Variants in CDK14 observed in about 807,000 individuals in gnomAD.
The protein encoded by CDK14 is cyclin-dependent kinase 14.
In CDK14, 34 loss-of-function variants were observed where a neutral mutation model predicts 60.7. That is an observed-to-expected ratio of 0.56 (90% CI 0.43 to 0.75). The LOEUF (loss-of-function observed/expected upper bound fraction) is 0.75, where lower values mean the gene tolerates loss of function less well. CDK14 is among the 30% of genes least tolerant of loss of function. The pLI is 0.00. For missense variants in CDK14, 482 were observed against 564.1 expected (o/e 0.85, Z 1.47); for synonymous variants, 197 against 203.7 (o/e 0.97, Z 0.28).
chr7:90,887,678 A>ATT (rs994398423), intron 6 of CDK14, among the ~76,000 whole-genome samples: 2 of 152,172 alleles, frequency 1.3e-5, no homozygotes, highest in African/African-American at 4.8e-5. Flanking sequence ...GTTCCTCTGT[A>ATT]TTTTGCATTG....
At chr7:91,010,151 T>C (rs1167855294) in intron 10 of CDK14, among the ~76,000 whole-genome samples, 1 of 152,000 alleles carries the variant, frequency 6.6e-6, no homozygotes, top group Non-Finnish European at 1.5e-5. Context: ...TGCCACACTG[T>C]CTTGATTACC....
intron 2 of CDK14, among the ~76,000 whole-genome samples, chr7:90,611,832 T>TGTG (rs1296026481): frequency 1.8e-5 from 2 of 114,170 alleles, no homozygotes; most frequent in Non-Finnish European, 1.8e-5. Flanking sequence ...TCTTTGTGTG[T>TGTG]TTTTTTTTTT....
rs180929741 is a variant in CDK14, at chr7:90,794,950, T to A, written c.544+4298T>A. ...ATGTCCATGAAATCTTCACAATTTA[T>A]GTTCTTCTGCCATGGCTTCAGCCGG... On this transcript the variant is annotated intron_variant, in intron 5 of 14. Coordinates refer to ENST00000380050, the MANE Select transcript of CDK14 (RefSeq NM_001287135.2). Among the ~76,000 whole-genome samples the A allele has an allele frequency of 3.5e-3, 532 of 152,340 alleles. 4 individuals carry two copies. Among genetic ancestry groups the A allele is most frequent in the African/African-American group, 0.012 (506 of 41,582 alleles).
intron 2 of CDK14, among the ~76,000 whole-genome samples, chr7:90,708,323 A>G (rs1475150242): frequency 6.6e-6 from 1 of 152,100 alleles, no homozygotes; most frequent in African/African-American, 2.4e-5. Flanking sequence ...GTTCTGGAAA[A>G]GGTGTCTTTG....
intron 5 of CDK14, among the ~76,000 whole-genome samples, chr7:90,829,991 A>AT (rs1789862990): frequency 6.6e-6 from 1 of 152,050 alleles, no homozygotes; most frequent in Non-Finnish European, 1.5e-5. Flanking sequence ...GCTGGTGTTG[A>AT]ATGTCTGTGG....
At chr7:90,807,538 A>C (rs958341908) in intron 5 of CDK14, among the ~76,000 whole-genome samples, 1 of 152,208 alleles carries the variant, frequency 6.6e-6, no homozygotes, top group Non-Finnish European at 1.5e-5. Flanking sequence ...GAAAAACTGG[A>C]AACTCTAAAA....
At chr7:91,080,361 G>T (rs1175742010) in intron 12 of CDK14, among the ~76,000 whole-genome samples, 1 of 152,120 alleles carries the variant, frequency 6.6e-6, no homozygotes, top group Non-Finnish European at 1.5e-5. Context: ...GACAGCTAAT[G>T]GCGAGGAACT....
At chr7:91,123,230 C>G (rs929091307) in intron 14 of CDK14, among the ~76,000 whole-genome samples, 5 of 152,090 alleles carry the variant, frequency 3.3e-5, no homozygotes, top group African/African-American at 1.2e-4. Flanking sequence ...ATATAAGAAA[C>G]ACAAGTGTTA....
intron 5 of CDK14, among the ~76,000 whole-genome samples, chr7:90,822,582 TC>T (rs1480030316): frequency 3.3e-5 from 5 of 152,064 alleles, no homozygotes; most frequent in African/African-American, 9.7e-5. Flanking sequence ...GTAACTCTCT[TC>T]CCTTACCTGC....
At chr7:91,013,656 G>GGTTTTTTTTTTTTTTT (rs1562868451) in intron 10 of CDK14, among the ~76,000 whole-genome samples, 2 of 123,384 alleles carry the variant, frequency 1.6e-5, no homozygotes, top group Non-Finnish European at 1.7e-5. Context: ...CATTGCCTCT[G>GGTTTTTTTTTTTTTTT]TTTTTTTTTT....
chr7:90,908,207 G>A (rs551909950), intron 7 of CDK14, among the ~76,000 whole-genome samples: 4 of 152,166 alleles, frequency 2.6e-5, no homozygotes, highest in South Asian at 2.1e-4. Flanking sequence ...GAAGTTCCAC[G>A]TGTCAGCTCT....
intron 4 of CDK14, among the ~76,000 whole-genome samples, chr7:90,786,333 C>G (rs1251483914): frequency 4.6e-5 from 7 of 152,076 alleles, no homozygotes; most frequent in African/African-American, 1.4e-4. Flanking sequence ...ATTCATTAGC[C>G]TTTGATTTAA....
intron 6 of CDK14, among the ~76,000 whole-genome samples, chr7:90,878,117 A>AC (rs1252876503): frequency 6.9e-6 from 1 of 145,616 alleles, no homozygotes; most frequent in Non-Finnish European, 1.5e-5. Flanking sequence ...AGAGACAGAG[A>AC]GAGAGAGAGA....
intron 14 of CDK14, among the ~76,000 whole-genome samples, chr7:91,139,570 T>G (rs1200976767): frequency 6.6e-6 from 1 of 152,196 alleles, no homozygotes; most frequent in Non-Finnish European, 1.5e-5. Flanking sequence ...AGCTCCACTT[T>G]AATCTGTTTT....
At chr7:91,027,784 CCCCTCCCCTCCCCTCCCCTCCCCTT>C (rs1796622469) in intron 10 of CDK14, among the ~76,000 whole-genome samples, 2 of 6,962 alleles carry the variant, frequency 2.9e-4, no homozygotes, top group Non-Finnish European at 5.1e-4. Context: ...CCCCTCCCCT[CCCCTCCCCTCCCCTCCCCTCCCCTT>C]CCCTCTCCTC....
At chr7:90,893,374 G>T (rs1792198571) in intron 6 of CDK14, among the ~76,000 whole-genome samples, 1 of 152,168 alleles carries the variant, frequency 6.6e-6, no homozygotes, top group Non-Finnish European at 1.5e-5. Context: ...TAGTTACCAG[G>T]GGTCTAGTCT....
rs1799189837 is a variant in CDK14 at position 90,596,566 on chromosome 7, G to T, written c.-62G>T. 7.0e-7 allele frequency: 1 copy of T among 1,432,226 alleles called. No individual in the cohort carries two copies. Among genetic ancestry groups the T allele is most frequent in the Non-Finnish European group, 9.7e-7 (1 of 1,025,684 alleles). 88.7% of individuals were successfully genotyped at this position (1,432,226 alleles called of 1,614,324 possible). A position where few individuals can be genotyped will look rare whatever the true frequency, so the allele number is the denominator to read the frequency against. ...CGCTTTCCCCGCGGCGCGCGCCCTCGCCGTTGTCTGAGCTGTGCCTGGACC... is the reference window on the plus strand; with the variant it reads ...CGCTTTCCCCGCGGCGCGCGCCCTCTCCGTTGTCTGAGCTGTGCCTGGACC... On this transcript the variant is annotated 5_prime_UTR_variant, in exon 1 of 15. Transcript: ENST00000380050.
intron 2 of CDK14, among the ~76,000 whole-genome samples, chr7:90,653,509 C>T (rs1055520452): frequency 6.6e-6 from 1 of 151,918 alleles, no homozygotes; most frequent in African/African-American, 2.4e-5. Flanking sequence ...ACCTTTCCAG[C>T]ACCGAGAGGG....
intron 5 of CDK14, among the ~76,000 whole-genome samples, chr7:90,849,677 G>T (rs1479049661): frequency 1.3e-5 from 2 of 151,960 alleles, no homozygotes; most frequent in African/African-American, 4.8e-5. Flanking sequence ...GCACAGGATG[G>T]CAGAGGTTCT....
Sources: gnomAD v4.1 joint callset for allele counts (sites outside exome capture counted in the v4.1 genomes callset) on GRCh38, gnomAD v4.1.1 for gene constraint, MANE v1.5 for transcripts, NCBI Gene and HGNC (gene_info 2026-07-23, HGNC 2026-07-21) for gene names.